Variants in IL1RAPL1 observed in about 807,000 individuals in gnomAD.
The protein encoded by IL1RAPL1 is interleukin-1 receptor accessory protein-like 1.
A neutral mutation model predicts 48.4 loss-of-function variants in IL1RAPL1; 3 were observed. That is an observed-to-expected ratio of 0.06 (90% CI 0.03 to 0.16). The LOEUF is 0.16. Ranked by LOEUF, IL1RAPL1 falls within the 10% of genes least tolerant of loss-of-function variation. The pLI, the probability that IL1RAPL1 is intolerant of heterozygous loss-of-function variation, is 1.00. For missense variants in IL1RAPL1, 349 were observed against 530.6 expected (o/e 0.66, Z 3.36); for synonymous variants, 185 against 187.7 (o/e 0.99, Z 0.12).
At chrX:28,885,426 T>C (rs1324396186) in intron 2 of IL1RAPL1, among the ~76,000 whole-genome samples, 3 of 111,263 alleles carry the variant, frequency 2.7e-5, no homozygotes, top group African/African-American at 6.5e-5. Flanking sequence ...GTGTTGCCTA[T>C]TTGACTCATT....
At chrX:29,661,745 C>G (rs1275168462) in intron 5 of IL1RAPL1, among the ~76,000 whole-genome samples, 1 of 112,118 alleles carries the variant, frequency 8.9e-6, no homozygotes, top group Non-Finnish European at 1.9e-5. Flanking sequence ...TGTGTTTGCT[C>G]AAGCTCATAA....
intron 6 of IL1RAPL1, among the ~76,000 whole-genome samples, chrX:29,824,560 T>G (rs1195635174): frequency 1.8e-5 from 2 of 112,415 alleles, no homozygotes; most frequent in African/African-American, 6.5e-5. Context: ...CGAAGCCATG[T>G]CTACAAAGGC....
At chrX:29,317,799 T>C (rs1159233194) in intron 3 of IL1RAPL1, among the ~76,000 whole-genome samples, 1 of 112,267 alleles carries the variant, frequency 8.9e-6, no homozygotes, top group Non-Finnish European at 1.9e-5. Flanking sequence ...ATGATACCAC[T>C]TCCATTTGCA....
At chrX:29,950,407 C>G (rs776312888) in intron 9 of IL1RAPL1, among the ~76,000 whole-genome samples, 1 of 111,980 alleles carries the variant, frequency 8.9e-6, no homozygotes, top group South Asian at 3.7e-4. Flanking sequence ...TGGTCAAATA[C>G]CTGGCAGATA....
At chrX:29,503,020 T>C (rs965820999) in intron 5 of IL1RAPL1, among the ~76,000 whole-genome samples, 19 of 111,707 alleles carry the variant, frequency 1.7e-4, no homozygotes, top group African/African-American at 6.2e-4. Context: ...AGTTCAATAT[T>C]CATAGGTTTT....
chrX:29,606,927 G>T (rs146826454), intron 5 of IL1RAPL1, among the ~76,000 whole-genome samples: 439 of 111,247 alleles, frequency 3.9e-3, no homozygotes, highest in African/African-American at 0.014. Context: ...ACCTATAAGG[G>T]GTAGTATTTT....
intron 6 of IL1RAPL1, among the ~76,000 whole-genome samples, chrX:29,846,678 T>C (rs1315215231): frequency 3.7e-5 from 4 of 108,109 alleles, no homozygotes; most frequent in African/African-American, 6.7e-5. Flanking sequence ...TTAGCATTGG[T>C]TCCTCTCCCT....
chrX:29,174,609 A>C (rs1929971446), intron 2 of IL1RAPL1, among the ~76,000 whole-genome samples: 1 of 111,894 alleles, frequency 8.9e-6, no homozygotes, highest in African/African-American at 3.2e-5. Flanking sequence ...ATTCAGAAGT[A>C]GATTTATAGT....
chrX:29,237,182 C>T (rs148883588), intron 2 of IL1RAPL1, among the ~76,000 whole-genome samples: 3 of 111,680 alleles, frequency 2.7e-5, no homozygotes, highest in South Asian at 3.8e-4. Flanking sequence ...ACTGTCAAAA[C>T]GAACATAACC....
intron 2 of IL1RAPL1, among the ~76,000 whole-genome samples, chrX:28,824,355 C>A (rs7876205): frequency 0.06 from 6,669 of 110,712 alleles, 389 homozygotes; most frequent in East Asian, 0.24. Context: ...TCTGAAATTC[C>A]TTCTTTGAAA....
intron 6 of IL1RAPL1, among the ~76,000 whole-genome samples, chrX:29,863,036 G>C (rs190410611): frequency 1.5e-3 from 161 of 107,665 alleles, no homozygotes; most frequent in African/African-American, 5.1e-3. Flanking sequence ...ACTGAACTGA[G>C]GGTGAAAAAT....
intron 1 of IL1RAPL1, among the ~76,000 whole-genome samples, chrX:28,753,675 T>C (rs771824890): frequency 2.6e-4 from 29 of 112,442 alleles, no homozygotes; most frequent in Non-Finnish European, 5.4e-4. Flanking sequence ...TTTTAAAATA[T>C]GATACAATAG....
chrX:29,068,735 G>C (rs902830999), intron 2 of IL1RAPL1, among the ~76,000 whole-genome samples: 5 of 112,220 alleles, frequency 4.5e-5, no homozygotes, highest in Admixed American at 9.4e-5. Flanking sequence ...GGATAGAAGG[G>C]GCAGGTTGAA....
intron 2 of IL1RAPL1, among the ~76,000 whole-genome samples, chrX:29,020,790 A>G (rs1332576829): frequency 8.9e-6 from 1 of 112,047 alleles, no homozygotes. Context: ...TTTCGCATAT[A>G]AAGTCATTCT....
intron 3 of IL1RAPL1, among the ~76,000 whole-genome samples, chrX:29,319,486 A>G (rs972798081): frequency 3.0e-5 from 3 of 101,101 alleles, no homozygotes; most frequent in Non-Finnish European, 6.0e-5. Flanking sequence ...TTATAGACAT[A>G]AGTCACCATG....
intron 1 of IL1RAPL1, among the ~76,000 whole-genome samples, chrX:28,607,446 A>G (rs776010251): frequency 9.0e-6 from 1 of 111,440 alleles, no homozygotes; most frequent in Non-Finnish European, 1.9e-5. Context: ...TTCATCATGC[A>G]GCTTAATTTC....
rs768611828 is a variant in IL1RAPL1, at chrX:29,906,292, G to A, written c.779-11172G>A. Among the ~76,000 whole-genome samples, 18 of 101,361 alleles carry A rather than the reference G, an allele frequency of 1.8e-4. No individual in the cohort carries two copies. The South Asian group carries it at 2.4e-3, about 14-fold the overall frequency. 88.0% of individuals were successfully genotyped at this position (101,361 alleles called of 115,157 possible). A position where few individuals can be genotyped will look rare whatever the true frequency, so the allele number is the denominator to read the frequency against. On this transcript the variant is annotated intron_variant, in intron 6 of 10. Coordinates refer to ENST00000378993, the MANE Select transcript of IL1RAPL1 (RefSeq NM_014271.4). ...GGAGCTTGCAGTGAGCCCAGATCGC[G>A]CCACTGCACTCCAGCCTGGGTGATA...
chrX:28,759,434 A>C (rs773506271), intron 1 of IL1RAPL1, among the ~76,000 whole-genome samples: 11 of 110,265 alleles, frequency 1.0e-4, no homozygotes, highest in Non-Finnish European at 2.1e-4. Flanking sequence ...AGATTTAATA[A>C]GAATAACAAC....
chrX:29,600,662 G>C (rs1923693763), intron 5 of IL1RAPL1, among the ~76,000 whole-genome samples: 2 of 111,163 alleles, frequency 1.8e-5, no homozygotes, highest in Non-Finnish European at 3.8e-5. Flanking sequence ...TAGGCTACCA[G>C]GGCAGTAGAG....
Sources: allele counts gnomAD v4.1 joint callset (sites outside exome capture counted in the v4.1 genomes callset), GRCh38; gene constraint gnomAD v4.1.1; transcripts MANE v1.5; gene names NCBI Gene and HGNC (gene_info 2026-07-23, HGNC 2026-07-21).